The following SAMD5 variants were observed in gnomAD, a reference collection of about 807,000 sequenced individuals.
SAMD5 encodes sterile alpha motif domain-containing protein 5.
In SAMD5, 13 loss-of-function variants were observed where a neutral mutation model predicts 11.3. That is an observed-to-expected ratio of 1.15 (90% CI 0.75 to 1.83). The LOEUF is 1.83. Ranked by LOEUF, SAMD5 falls within the 40% of genes most tolerant of loss-of-function variation. The pLI, the probability that SAMD5 is intolerant of heterozygous loss-of-function variation, is 0.00. For missense variants in SAMD5, 255 were observed against 239.1 expected (o/e 1.07, Z -0.44); for synonymous variants, 129 against 111.3 (o/e 1.16, Z -1.00).
At chr6:147,788,565 G>A in the SAMD5 span, among the ~76,000 whole-genome samples, 1 of 152,140 alleles carries the variant, frequency 6.6e-6, no homozygotes, top group Non-Finnish European at 1.5e-5. Flanking sequence ...TGCTTTTGTG[G>A]ATAAAAGTCT....
rs138900019 is a variant in SAMD5 at position 147,565,591 on chromosome 6, G to A, written c.*1135G>A. The A allele has an allele frequency of 1.5e-3, 637 of 426,622 alleles. 15 individuals are homozygous for A. In the East Asian group the frequency reaches 0.064, roughly 43 times the overall value. The allele number at this position is 426,622 out of a possible 1,614,324, so 26.4% of individuals were successfully genotyped here. Reference sequence around the variant, plus strand: ...CTCCTGCCTCGGCCTCTTGGTAGCTGGGATTACAGGCACGCATCACCACAC... The same window carrying A: ...CTCCTGCCTCGGCCTCTTGGTAGCTAGGATTACAGGCACGCATCACCACAC... On this transcript the variant is annotated 3_prime_UTR_variant, in exon 2 of 2. Coordinates refer to ENST00000367474, the MANE Select transcript of SAMD5 (RefSeq NM_001030060.3).
chr6:147,513,095 G>T (rs759194681), intron 1 of SAMD5, among the ~76,000 whole-genome samples: 1 of 152,204 alleles, frequency 6.6e-6, no homozygotes, highest in African/African-American at 2.4e-5. Context: ...AACAGGAATG[G>T]CAAGGAATTC....
chr6:147,925,985 A>C, the SAMD5 span, among the ~76,000 whole-genome samples: 1 of 152,254 alleles, frequency 6.6e-6, no homozygotes, highest in Non-Finnish European at 1.5e-5. Context: ...AATGGCCTCC[A>C]GCCCATCCAT....
At chr6:147,849,191 T>C in the SAMD5 span, among the ~76,000 whole-genome samples, 1 of 151,280 alleles carries the variant, frequency 6.6e-6, no homozygotes, top group Non-Finnish European at 1.5e-5. Flanking sequence ...TTCTGGATTT[T>C]AGAGCCTACC....
intron 1 of SAMD5, among the ~76,000 whole-genome samples, chr6:147,582,467 C>T (rs1160852002): frequency 1.3e-5 from 2 of 152,120 alleles, no homozygotes; most frequent in Admixed American, 1.3e-4. Flanking sequence ...CTATATATTC[C>T]TCAAGTGACT....
chr6:147,801,702 A>G, the SAMD5 span, among the ~76,000 whole-genome samples: 2 of 152,178 alleles, frequency 1.3e-5, no homozygotes, highest in Non-Finnish European at 2.9e-5. Flanking sequence ...CCCAAACTAC[A>G]TCACAGGAAA....
chr6:147,769,371 G>T, the SAMD5 span, among the ~76,000 whole-genome samples: 1 of 151,708 alleles, frequency 6.6e-6, no homozygotes. Context: ...TTCTTTTTGT[G>T]TATACACCTT....
chr6:147,733,920 T>C (rs1260986771), intron 1 of SAMD5: 1 of 163,068 alleles, frequency 6.1e-6, no homozygotes, highest in African/African-American at 2.4e-5. Flanking sequence ...AATTTCCAGT[T>C]CCTCAAAATT....
At chr6:147,835,381 G>C in the SAMD5 span, among the ~76,000 whole-genome samples, 1 of 152,086 alleles carries the variant, frequency 6.6e-6, no homozygotes, top group Non-Finnish European at 1.5e-5. Context: ...CCTCTCAAAG[G>C]GGGCATCAGT....
chr6:147,908,707 A>G, the SAMD5 span, among the ~76,000 whole-genome samples: 56 of 152,328 alleles, frequency 3.7e-4, no homozygotes, highest in Non-Finnish European at 6.8e-4. Flanking sequence ...AGACACTGAA[A>G]CAATAGGAGA....
the SAMD5 span, among the ~76,000 whole-genome samples, chr6:147,808,810 G>A: frequency 1.3e-5 from 2 of 152,078 alleles, no homozygotes; most frequent in Non-Finnish European, 2.9e-5. Context: ...TTCTGCTTGT[G>A]TCAGCAGTTT....
chr6:147,947,388 A>G, the SAMD5 span: 1 of 152,236 alleles, frequency 6.6e-6, no homozygotes, highest in Non-Finnish European at 1.5e-5. Flanking sequence ...CTGGCAATAC[A>G]GGAGCTAGGA....
chr6:147,612,323 C>T (rs1208055638), intron 1 of SAMD5, among the ~76,000 whole-genome samples: 1 of 152,182 alleles, frequency 6.6e-6, no homozygotes, highest in Admixed American at 6.5e-5. Flanking sequence ...ACAATGTGTG[C>T]AACTTTTATA....
chr6:147,662,967 A>C (rs1338013526), intron 1 of SAMD5, among the ~76,000 whole-genome samples: 3 of 152,202 alleles, frequency 2.0e-5, no homozygotes, highest in East Asian at 3.8e-4. Flanking sequence ...AATATTTCAC[A>C]GTATACTAGT....
chr6:147,881,390 C>T, the SAMD5 span, among the ~76,000 whole-genome samples: 12 of 152,284 alleles, frequency 7.9e-5, no homozygotes, highest in Admixed American at 5.9e-4. Flanking sequence ...AGGTTCCCCG[C>T]GGCAGAGGTG....
chr6:147,727,300 A>G (rs1304150388), intron 1 of SAMD5, among the ~76,000 whole-genome samples: 1 of 152,198 alleles, frequency 6.6e-6, no homozygotes, highest in Non-Finnish European at 1.5e-5. Flanking sequence ...CAAAGCCAGG[A>G]GCAGCAACGT....
the SAMD5 span, among the ~76,000 whole-genome samples, chr6:147,788,432 T>C: frequency 2.7e-4 from 41 of 152,314 alleles, no homozygotes; most frequent in Non-Finnish European, 5.0e-4. Flanking sequence ...ACAAAATTAA[T>C]AGTGAAGTAT....
the SAMD5 span, among the ~76,000 whole-genome samples, chr6:147,754,311 G>T: frequency 6.8e-6 from 1 of 146,276 alleles, no homozygotes; most frequent in Admixed American, 6.8e-5. Flanking sequence ...TAATGATGTT[G>T]ATCACTTTTT....
At chr6:147,681,962 G>A (rs912505597) in intron 1 of SAMD5, among the ~76,000 whole-genome samples, 1 of 152,182 alleles carries the variant, frequency 6.6e-6, no homozygotes, top group Non-Finnish European at 1.5e-5. Context: ...GTGCTGGGTA[G>A]TTGGGTTAGT....
Sources: gnomAD v4.1 joint callset for allele counts (sites outside exome capture counted in the v4.1 genomes callset) on GRCh38, gnomAD v4.1.1 for gene constraint, MANE v1.5 for transcripts, NCBI Gene and HGNC (gene_info 2026-07-23, HGNC 2026-07-21) for gene names.